SVEP1: variants seen among roughly 807,000 people sequenced by gnomAD.
The protein encoded by SVEP1 is sushi, von Willebrand factor type A, EGF and pentraxin domain-containing protein 1.
SVEP1 carries 164 observed loss-of-function variants against 367.3 expected under a neutral mutation model. The ratio of observed to expected loss-of-function variants is 0.45; its 90% CI spans 0.39 to 0.51. The LOEUF is 0.51. Among genes scored for constraint, SVEP1 ranks in the 20% least tolerant of loss-of-function variants. The pLI is 0.00. For synonymous variants in SVEP1, 1,666 were observed against 1,611.6 expected (o/e 1.03, Z -0.81); for missense variants, 4,117 against 4,425.3 (o/e 0.93, Z 1.98).
chr9:110,394,273 C>G (rs1370321831), intron 40 of SVEP1, among the ~76,000 whole-genome samples: 3 of 152,182 alleles, frequency 2.0e-5, no homozygotes, highest in Non-Finnish European at 4.4e-5. Context: ...CTAGCCAACT[C>G]CGACCTGCAG....
chr9:110,573,609 C>T (rs1002674871), intron 1 of SVEP1, among the ~76,000 whole-genome samples: 4 of 151,634 alleles, frequency 2.6e-5, no homozygotes, highest in African/African-American at 9.7e-5. Flanking sequence ...GTTTGTTTAA[C>T]GGATATTTAG....
chr9:110,499,993 C>T (rs988292153), intron 6 of SVEP1, among the ~76,000 whole-genome samples: 8 of 152,186 alleles, frequency 5.3e-5, no homozygotes, highest in African/African-American at 1.7e-4. Context: ...ATTCTAAGCA[C>T]TTTGCATGTA....
At chr9:110,387,522 A>G (rs1827544238) in intron 41 of SVEP1, 64 bp from the exon 42 acceptor site, 1 of 1,445,162 alleles carries the variant, frequency 6.9e-7, no homozygotes, top group Non-Finnish European at 9.2e-7. Context: ...TTCTTTTCCT[A>G]TGATTGCCAA....
rs563655189 is a variant in SVEP1, at chr9:110,404,534, C to G, written c.9459G>C (p.Thr3153=). The G allele has an allele frequency of 6.2e-7, 1 of 1,613,896 alleles. No homozygotes were observed. The highest frequency in any genetic ancestry group is 8.5e-7 in the Non-Finnish European group (1 of 1,179,856). ...EVKLRCLEGY[T]MDTDTDTFTC... ...TGAATGTATCTGTATCTGTATCCAT[C>G]GTATAACCTTCCAGACATCTGCAAT... Residue 3153 remains threonine (T), a synonymous_variant, in exon 39 of 48, where the codon ACG becomes ACC. Transcript: ENST00000374469.
chr9:110,463,930 T>A (rs541628564), intron 18 of SVEP1, among the ~76,000 whole-genome samples: 1 of 152,312 alleles, frequency 6.6e-6, no homozygotes, highest in South Asian at 2.1e-4. Context: ...GCTAGGAATA[T>A]TAGGAGAGTA....
chr9:110,439,396 AT>A (rs569625959), intron 27 of SVEP1, among the ~76,000 whole-genome samples: 4 of 151,644 alleles, frequency 2.6e-5, no homozygotes, highest in South Asian at 4.2e-4. Context: ...GGGTATTTTT[AT>A]TTTTTTTATT....
chr9:110,579,250 G>T lies in SVEP1; in HGVS notation c.294C>A (p.Asn98Lys), dbSNP rs181613162. ...VDDSSSVGEV[N>K]FRSELMFVRK... ...GGACGAACATGAGCTCGCTGCGGAAGTTGACTTCGCCCACGCTGGACGAAT... is the reference window on the plus strand; with the variant it reads ...GGACGAACATGAGCTCGCTGCGGAATTTGACTTCGCCCACGCTGGACGAAT... The change falls in exon 1 of 48, where the codon AAC (asparagine) becomes AAA (lysine). Residue 98 changes from asparagine (N) to lysine (K), a missense_variant. Asn to Lys is a moderately conservative substitution (Grantham distance 94, BLOSUM62 0). Around this residue, in one of 4 missense-constraint regions of SVEP1, gnomAD observed 161 missense variants for 122.4 expected, o/e 1.32. Coordinates refer to ENST00000374469, the MANE Select transcript of SVEP1 (RefSeq NM_153366.4). This position sits in a 1 kb window ranked among gnomAD's most constrained non-coding sequence, Gnocchi z 5.3. The T allele has an allele frequency of 6.4e-7, 1 of 1,570,940 alleles. No individual in the cohort carries two copies. Among genetic ancestry groups the T allele is most frequent in the East Asian group, 2.4e-5 (1 of 42,262 alleles).
At chr9:110,401,637 A>C (rs1376971538) in intron 39 of SVEP1, among the ~76,000 whole-genome samples, 1 of 151,620 alleles carries the variant, frequency 6.6e-6, no homozygotes, top group South Asian at 2.1e-4. Flanking sequence ...TAACCAAAAT[A>C]AATTCCAGAT....
chr9:110,405,202 TAG>T (rs1206600604), intron 38 of SVEP1, among the ~76,000 whole-genome samples: 1 of 152,210 alleles, frequency 6.6e-6, no homozygotes, highest in Non-Finnish European at 1.5e-5. Flanking sequence ...CAGGAAATTC[TAG>T]ACAGTCCAAA....
At chr9:110,403,888 G>A (rs1827911404) in intron 39 of SVEP1, among the ~76,000 whole-genome samples, 1 of 144,024 alleles carries the variant, frequency 6.9e-6, no homozygotes, top group Non-Finnish European at 1.5e-5. Flanking sequence ...GGAAACCAAA[G>A]TTCAGAAATT....
rs571191805 is a variant in SVEP1 at position 110,486,803 on chromosome 9, C to T, written c.1930+2847G>A. The stretch of plus-strand genomic sequence containing the variant: ...GAGAATACAGGTGTGCGCCACCACA[C>T]ACAGCTAATTTTTGTATTTTTAGTA... On this transcript the variant is annotated intron_variant, in intron 9 of 47. Coordinates refer to ENST00000374469, the MANE Select transcript of SVEP1 (RefSeq NM_153366.4). Among the ~76,000 whole-genome samples the T allele has an allele frequency of 1.9e-3, 290 of 152,198 alleles. 2 individuals are homozygous for T. Among genetic ancestry groups the T allele is most frequent in the Non-Finnish European group, 3.6e-3 (243 of 68,008 alleles).
intron 46 of SVEP1, among the ~76,000 whole-genome samples, chr9:110,372,306 TTATC>T (rs1827290330): frequency 6.6e-6 from 1 of 152,234 alleles, no homozygotes; most frequent in South Asian, 2.1e-4. Context: ...CACGTCCTAG[TTATC>T]TATTTATAGG....
intron 19 of SVEP1, 97 bp downstream of exon 19, chr9:110,458,855 C>A: frequency 6.9e-7 from 1 of 1,443,932 alleles, no homozygotes; most frequent in Non-Finnish European, 9.3e-7. Flanking sequence ...TGCCCAAATC[C>A]ACCGAAAATA....
intron 36 of SVEP1, among the ~76,000 whole-genome samples, chr9:110,425,189 A>G (rs1180179195): frequency 6.6e-6 from 1 of 152,126 alleles, no homozygotes; most frequent in Non-Finnish European, 1.5e-5. Flanking sequence ...TTCCTTTCAG[A>G]AAAAGACTAC....
intron 6 of SVEP1, 119 bp from the exon 7 acceptor site, chr9:110,499,357 A>C (rs949083419): frequency 2.3e-6 from 2 of 864,298 alleles, no homozygotes; most frequent in South Asian, 3.7e-5. Flanking sequence ...AAATTGCTAA[A>C]TGATAACTAT....
At chr9:110,439,876 GT>G (rs1430907122) in intron 27 of SVEP1, among the ~76,000 whole-genome samples, 1 of 152,110 alleles carries the variant, frequency 6.6e-6, no homozygotes, top group African/African-American at 2.4e-5. Context: ...TACTGTAAGA[GT>G]TTCTTGGTTT....
At chr9:110,485,562 C>T (rs892719411) in intron 9 of SVEP1, among the ~76,000 whole-genome samples, 1 of 152,130 alleles carries the variant, frequency 6.6e-6, no homozygotes, top group Admixed American at 6.5e-5. Flanking sequence ...CTTGCACATC[C>T]TGCACTTGTA....
intron 40 of SVEP1, among the ~76,000 whole-genome samples, chr9:110,394,923 A>G (rs967066288): frequency 1.3e-5 from 2 of 152,234 alleles, no homozygotes; most frequent in Non-Finnish European, 2.9e-5. Context: ...GTTGGAAAAC[A>G]CTCTGCAGGA....
In SVEP1 at chr9:110,458,969, G is replaced by T. The variant is rs1828817020; in HGVS notation, c.3467C>A (p.Ser1156Tyr). ...YGTTPFAGSR[S>Y]ITECSSFSST... is the part of the protein sequence containing the mutation. ...CATCTTACTTGAACATTCTGTGATG[G>T]ATCTGGAACCAGCGAATGGGGTAGT... The change falls in exon 19 of 48, where the codon TCC becomes TAC. Residue 1156 changes from serine (S) to tyrosine (Y), a missense_variant. Ser to Tyr is a moderately radical substitution (Grantham distance 144). This residue lies in a region of SVEP1 where 2,174 missense variants were observed against 2,494.3 expected (regional missense o/e 0.87). Coordinates refer to ENST00000374469, the MANE Select transcript of SVEP1 (RefSeq NM_153366.4). 3 of 1,613,348 alleles carry T rather than the reference G, an allele frequency of 1.9e-6. No individual in the cohort carries two copies. Among genetic ancestry groups the T allele is most frequent in the Non-Finnish European group, 2.5e-6 (3 of 1,179,486 alleles).
Sources: gnomAD v4.1 joint callset for allele counts (sites outside exome capture counted in the v4.1 genomes callset) on GRCh38, gnomAD v4.1.1 for gene constraint, gnomAD v4.1.1 regional missense constraint, Gnocchi (gnomAD v3.1) non-coding constraint, MANE v1.5 for transcripts, NCBI Gene and HGNC (gene_info 2026-07-23, HGNC 2026-07-21) for gene names.